RBFOX1: variants seen among roughly 807,000 people sequenced by gnomAD.
RBFOX1 encodes the protein RNA binding protein fox-1 homolog 1.
In RBFOX1, 8 loss-of-function variants were observed where a neutral mutation model predicts 57.7. The ratio of observed to expected loss-of-function variants is 0.14; its 90% confidence interval spans 0.08 to 0.25. The LOEUF is 0.25. Among genes scored for constraint, RBFOX1 ranks in the 10% least tolerant of loss-of-function variants. The probability of loss-of-function intolerance (pLI) is 1.00; values close to 1 mark genes in which losing one functional copy is unlikely to be tolerated. For synonymous variants in RBFOX1, 326 were observed against 222.4 expected, an observed-to-expected ratio of 1.47 and a Z score of -4.15; for missense variants, 611 against 548.5, an observed-to-expected ratio of 1.11 and a Z score of -1.14.
chr16:7,066,898 C>G (rs2056188186), intron 4 of RBFOX1, among the ~76,000 whole-genome samples: 1 of 152,144 alleles, frequency 6.6e-6, no homozygotes, highest in Admixed American at 6.5e-5. Context: ...GAACCCAGAC[C>G]ATTTATTTTC....
intron 3 of RBFOX1, among the ~76,000 whole-genome samples, chr16:6,754,243 C>G (rs1396627150): frequency 1.3e-5 from 2 of 152,130 alleles, no homozygotes; most frequent in Non-Finnish European, 2.9e-5. Context: ...CAATGTTCAC[C>G]TGCTTTATTC....
intron 2 of RBFOX1, among the ~76,000 whole-genome samples, chr16:6,485,754 T>C (rs2095466038): frequency 6.6e-6 from 1 of 152,212 alleles, no homozygotes; most frequent in African/African-American, 2.4e-5. Flanking sequence ...CGAAAGTACT[T>C]TCTGTCTCAT....
At chr16:5,439,617 C>T (rs553326095) in intron 1 of RBFOX1, among the ~76,000 whole-genome samples, 67 of 151,806 alleles carry the variant, frequency 4.4e-4, no homozygotes, top group Non-Finnish European at 8.7e-4. Flanking sequence ...TTGGTTTGAG[C>T]GATTGTGCAG....
At position 6,978,298 on chromosome 16, in the gene RBFOX1, C is replaced by G. The variant is rs114631573; in HGVS notation, c.-15-73759C>G. ...TGTTCTGAATGTCTTTATTGTGGTA[C>G]TATGCAAGAAATTGGGATTCTTTTA... On this transcript the variant is annotated intron_variant, in intron 3 of 15. Transcript: ENST00000550418. Among the ~76,000 whole-genome samples the G allele has an allele frequency of 3.4e-3, 515 of 152,278 alleles. 4 individuals are homozygous for G. Among genetic ancestry groups the G allele is most frequent in the African/African-American group, 0.012 (491 of 41,560 alleles).
chr16:6,607,682 T>A (rs2097960369), intron 2 of RBFOX1, among the ~76,000 whole-genome samples: 1 of 152,078 alleles, frequency 6.6e-6, no homozygotes, highest in African/African-American at 2.4e-5. Context: ...TATGTCTGCC[T>A]ATGTGGGCAT....
chr16:6,861,841 T>C (rs1038209357), intron 3 of RBFOX1, among the ~76,000 whole-genome samples: 2 of 149,736 alleles, frequency 1.3e-5, no homozygotes, highest in South Asian at 2.1e-4. Flanking sequence ...TTTTTTTTTT[T>C]TTTGGTTTTT....
intron 2 of RBFOX1, among the ~76,000 whole-genome samples, chr16:6,385,926 C>CT (rs1171577270): frequency 7.9e-6 from 1 of 126,132 alleles, no homozygotes; most frequent in Non-Finnish European, 1.7e-5. Flanking sequence ...GAACTCATTT[C>CT]TTTTTTTTCT....
At chr16:5,795,039 A>G (rs1026644193) in intron 3 of RBFOX1, among the ~76,000 whole-genome samples, 1 of 152,094 alleles carries the variant, frequency 6.6e-6, no homozygotes, top group East Asian at 1.9e-4. Flanking sequence ...CCCCAGTTGT[A>G]TGACTTTGGC....
At chr16:7,277,912 A>T (rs118165137) in intron 4 of RBFOX1, among the ~76,000 whole-genome samples, 30 of 151,906 alleles carry the variant, frequency 2.0e-4, no homozygotes, top group Non-Finnish European at 3.7e-4. Context: ...CTCAGAAGAA[A>T]AAGGGTATGA....
At chr16:5,679,143 C>G (rs527426802) in intron 3 of RBFOX1, among the ~76,000 whole-genome samples, 2 of 152,170 alleles carry the variant, frequency 1.3e-5, no homozygotes, top group Admixed American at 1.3e-4. Flanking sequence ...AGAAACCAGG[C>G]AGAGTACCCT....
intron 1 of RBFOX1, among the ~76,000 whole-genome samples, chr16:6,103,614 T>C (rs1019163823): frequency 2.6e-5 from 4 of 152,100 alleles, no homozygotes; most frequent in Admixed American, 2.0e-4. Context: ...GACTCTGCTG[T>C]TTCCTGGCTT....
At chr16:6,020,709 T>C (rs1295906665) in intron 1 of RBFOX1, among the ~76,000 whole-genome samples, 2 of 152,034 alleles carry the variant, frequency 1.3e-5, no homozygotes, top group African/African-American at 4.8e-5. Flanking sequence ...AGGGGGGGGC[T>C]TGTCAGCTCC....
intron 3 of RBFOX1, among the ~76,000 whole-genome samples, chr16:6,869,161 A>G (rs17234371): frequency 0.24 from 36,853 of 152,150 alleles, 4,675 homozygotes; most frequent in African/African-American, 0.29. Flanking sequence ...CTTACCTGTC[A>G]TATCTTCTGC....
At chr16:7,481,920 T>C (rs2064047200) in intron 4 of RBFOX1, among the ~76,000 whole-genome samples, 3 of 152,204 alleles carry the variant, frequency 2.0e-5, no homozygotes, top group Admixed American at 2.0e-4. Flanking sequence ...CATGTAATAA[T>C]TGAATGCATT....
intron 4 of RBFOX1, among the ~76,000 whole-genome samples, chr16:7,165,407 AATGATAAT>A (rs2079241219): frequency 6.8e-6 from 1 of 147,070 alleles, no homozygotes; most frequent in Admixed American, 6.8e-5. Flanking sequence ...TAATAATAAT[AATGATAAT>A]AATCATTATT....
rs552135762 is a variant in RBFOX1, at chr16:6,520,467, A to G, written c.-63-134136A>G. 3.3e-5 allele frequency among the ~76,000 whole-genome samples: 5 copies of G among 152,334 alleles called. No individual in the cohort carries two copies. In the South Asian group the frequency reaches 8.3e-4, roughly 25 times the overall value. On this transcript the variant is annotated intron_variant, in intron 2 of 15. Coordinates refer to ENST00000550418, the MANE Select transcript of RBFOX1 (RefSeq NM_018723.4). ...TTGTCTGAAGGGCCTCATTTAACAC[A>G]TAGTCTCTGTACACTTGGTAAAAAT...
rs1047924393 is a variant in RBFOX1, at chr16:7,156,803, G to T, written c.27+104705G>T. Among the ~76,000 whole-genome samples the T allele has an allele frequency of 2.0e-5, 3 of 151,950 alleles. No individual in the cohort carries two copies. The South Asian group carries it at 6.2e-4, about 32-fold the overall frequency. ...CATCTGTGTATACTTCTATCTCTCT[G>T]TACTTGTACATGCACAATTATAGGA... On this transcript the variant is annotated intron_variant, in intron 4 of 15. Coordinates refer to ENST00000550418, the MANE Select transcript of RBFOX1 (RefSeq NM_018723.4).
chr16:7,354,729 G>A (rs986347430), intron 4 of RBFOX1, among the ~76,000 whole-genome samples: 3 of 152,116 alleles, frequency 2.0e-5, no homozygotes, highest in Non-Finnish European at 4.4e-5. Context: ...CTAGTCACGT[G>A]TCTCTATTTA....
chr16:6,605,483 T>C (rs9302825), intron 2 of RBFOX1, among the ~76,000 whole-genome samples: 2,209 of 152,278 alleles, frequency 0.015, 65 homozygotes, highest in African/African-American at 0.049. Context: ...TTTGCAGTCT[T>C]AACCCCCAAA....
Sources: allele counts gnomAD v4.1 joint callset (sites outside exome capture counted in the v4.1 genomes callset), GRCh38; gene constraint gnomAD v4.1.1; transcripts MANE v1.5; gene names NCBI Gene and HGNC (gene_info 2026-07-23, HGNC 2026-07-21).